FRMPD1: variants seen among roughly 807,000 people sequenced by gnomAD.
FRMPD1 encodes the protein FERM and PDZ domain-containing protein 1.
FRMPD1 carries 76 observed loss-of-function variants against 117.8 expected under a neutral mutation model. The ratio of observed to expected loss-of-function variants is 0.65; its 90% CI spans 0.54 to 0.78. The LOEUF (loss-of-function observed/expected upper bound fraction) is 0.78. FRMPD1 is among the 30% of genes least tolerant of loss of function. The pLI is 0.00. For missense variants in FRMPD1, 1,786 were observed against 1,964.5 expected, an observed-to-expected ratio of 0.91 and a Z score of 1.72; for synonymous variants, 783 against 770.4, an observed-to-expected ratio of 1.02 and a Z score of -0.27.
intron 2 of FRMPD1, among the ~76,000 whole-genome samples, chr9:37,705,079 A>G (rs1430058606): frequency 6.6e-6 from 1 of 152,124 alleles, no homozygotes; most frequent in Non-Finnish European, 1.5e-5. Flanking sequence ...ATCTGCTTTT[A>G]ATGAATTGTT....
chr9:37,685,448 C>T (rs1224056510), intron 1 of FRMPD1, among the ~76,000 whole-genome samples: 1 of 151,890 alleles, frequency 6.6e-6, no homozygotes, highest in East Asian at 1.9e-4. Context: ...TCGAGACTAT[C>T]CTGGCTAACA....
At chr9:37,621,332 G>T in the FRMPD1 span, among the ~76,000 whole-genome samples, 1 of 152,178 alleles carries the variant, frequency 6.6e-6, no homozygotes, top group Non-Finnish European at 1.5e-5. Context: ...CCACCCAGAG[G>T]AACTCAAAAC....
At chr9:37,661,862 C>T in intron 1 of FRMPD1, 1 of 152,600 alleles carries the variant, frequency 6.6e-6, no homozygotes, top group Non-Finnish European at 1.5e-5. Context: ...CTCGTATACC[C>T]TTGACCAAAG....
intron 15 of FRMPD1, among the ~76,000 whole-genome samples, chr9:37,743,381 A>G (rs2118510508): frequency 6.6e-6 from 1 of 152,274 alleles, no homozygotes; most frequent in African/African-American, 2.4e-5. Flanking sequence ...AAAAAGTGTT[A>G]GGAAGTAAGA....
At chr9:37,626,110 T>A in the FRMPD1 span, among the ~76,000 whole-genome samples, 1 of 151,996 alleles carries the variant, frequency 6.6e-6, no homozygotes, top group Admixed American at 6.5e-5. Context: ...GCGAATCACC[T>A]GAGGTTAGGA....
At chr9:37,650,413 C>A, upstream of FRMPD1, among the ~76,000 whole-genome samples, 1 of 152,102 alleles carries the variant, frequency 6.6e-6, no homozygotes, top group East Asian at 1.9e-4. Context: ...CACAGTTTCC[C>A]AGCGCGGAAG....
At position 37,715,623 on chromosome 9, in the gene FRMPD1, T is replaced by A. The variant is rs1210701852; in HGVS notation, c.409-3446T>A. 7 of 456,134 alleles carry A rather than the reference T, an allele frequency of 1.5e-5. No individual in the cohort carries two copies. The East Asian group carries it at 4.9e-4, about 32-fold the overall frequency. The allele number at this position is 456,134 out of a possible 1,614,324, so 28.3% of individuals were successfully genotyped here. A position where few individuals can be genotyped will look rare whatever the true frequency, so the allele number is the denominator to read the frequency against. On this transcript the variant is annotated intron_variant, in intron 5 of 15. Transcript: ENST00000377765. ...CAGAGAGAGCTTAGAAGTTCTAGAA[T>A]AATGAGTAGCTCATATCCTTTGAAT...
chr9:37,716,024 G>A (rs377245174), intron 5 of FRMPD1, among the ~76,000 whole-genome samples: 22 of 152,134 alleles, frequency 1.4e-4, no homozygotes, highest in African/African-American at 4.6e-4. Context: ...GAGAGCTTTC[G>A]GGACAAGAGT....
At chr9:37,622,372 A>G in the FRMPD1 span, among the ~76,000 whole-genome samples, 2 of 152,272 alleles carry the variant, frequency 1.3e-5, no homozygotes, top group African/African-American at 4.8e-5. Context: ...TTACACACAC[A>G]GATGCTTCTC....
chr9:37,716,675 G>C (rs1004451870), intron 5 of FRMPD1, among the ~76,000 whole-genome samples: 1 of 152,092 alleles, frequency 6.6e-6, no homozygotes, highest in Non-Finnish European at 1.5e-5. Context: ...TTGAGTCTTT[G>C]GGGGGTTGGT....
chr9:37,736,887 GCA>G (rs766907680), intron 13 of FRMPD1, among the ~76,000 whole-genome samples: 3 of 73,626 alleles, frequency 4.1e-5, no homozygotes, highest in Non-Finnish European at 9.2e-5. Flanking sequence ...GTATGTGTGC[GCA>G]CACACACACG....
chr9:37,644,752 T>A, the FRMPD1 span, among the ~76,000 whole-genome samples: 2 of 152,178 alleles, frequency 1.3e-5, no homozygotes, highest in Admixed American at 1.3e-4. Context: ...CTCAGTTTCA[T>A]CTGTGAAGTG....
At chr9:37,691,674 C>T (rs1435143303) in intron 1 of FRMPD1, among the ~76,000 whole-genome samples, 6 of 152,124 alleles carry the variant, frequency 3.9e-5, no homozygotes, top group Non-Finnish European at 8.8e-5. Context: ...GAGGCCAAGG[C>T]GGGCAGATCA....
At chr9:37,633,733 C>T in the FRMPD1 span, among the ~76,000 whole-genome samples, 1 of 152,284 alleles carries the variant, frequency 6.6e-6, no homozygotes, top group East Asian at 1.9e-4. Flanking sequence ...TGGTAGCATG[C>T]ACCTGTAGTC....
chr9:37,619,225 C>T, the FRMPD1 span, among the ~76,000 whole-genome samples: 13 of 152,178 alleles, frequency 8.5e-5, no homozygotes, highest in Non-Finnish European at 5.9e-5. Flanking sequence ...GTAAACCTTT[C>T]CTGACATCTC....
At chr9:37,685,367 G>A (rs1821883842) in intron 1 of FRMPD1, among the ~76,000 whole-genome samples, 1 of 152,156 alleles carries the variant, frequency 6.6e-6, no homozygotes, top group South Asian at 2.1e-4. Context: ...CTTTCGGCTG[G>A]GCGCAGTGGC....
At position 37,744,479 on chromosome 9, in the gene FRMPD1, G is replaced by A; in HGVS notation, c.2447G>A (p.Gly816Glu). Residue 816 changes from glycine (G) to glutamate (E), a missense_variant, in exon 16 of 16, where the codon GGG becomes GAG. Gly to Glu is a moderately conservative substitution (Grantham distance 98). Coordinates refer to ENST00000377765, the MANE Select transcript of FRMPD1 (RefSeq NM_014907.3). ...TSSPENSLPC[G>E]PDGRQPSRRG... ...AGCCCTGAGAACAGCCTGCCTTGTG[G>A]GCCAGATGGAAGACAGCCAAGCAGG... 6.2e-7 allele frequency: 1 copy of A among 1,614,162 alleles called. No homozygotes were observed. Among genetic ancestry groups the A allele is most frequent in the Non-Finnish European group, 8.5e-7 (1 of 1,180,024 alleles).
At chr9:37,691,997 G>A (rs916832773) in intron 1 of FRMPD1, among the ~76,000 whole-genome samples, 7 of 152,106 alleles carry the variant, frequency 4.6e-5, no homozygotes, top group African/African-American at 1.4e-4. Context: ...GAACTGGGTG[G>A]GTAGGAGCAA....
At chr9:37,710,686 G>A (rs924566277) in intron 4 of FRMPD1, among the ~76,000 whole-genome samples, 2 of 151,920 alleles carry the variant, frequency 1.3e-5, no homozygotes, top group African/African-American at 4.8e-5. Context: ...ATTTTTTTGG[G>A]TTGGGCACGG....
Sources: allele counts gnomAD v4.1 joint callset (sites outside exome capture counted in the v4.1 genomes callset), GRCh38; gene constraint gnomAD v4.1.1; transcripts MANE v1.5; gene names NCBI Gene and HGNC (gene_info 2026-07-23, HGNC 2026-07-21).